GALNT17: variants seen among roughly 807,000 people sequenced by gnomAD.
GALNT17 encodes the protein polypeptide N-acetylgalactosaminyltransferase 17, also known as UDP-GalNAc:polypeptide N-acetylgalactosaminyltransferase-like 3.
Under a neutral mutation model 63.7 loss-of-function variants are expected in GALNT17, and 29 were observed. That is an observed-to-expected ratio of 0.46 (90% CI 0.34 to 0.62). GALNT17 has a LOEUF of 0.62. Among genes scored for constraint, GALNT17 ranks in the 20% least tolerant of loss-of-function variants. The pLI, the probability that GALNT17 is intolerant of heterozygous loss-of-function variation, is 0.01. For missense variants in GALNT17, 603 were observed against 799.6 expected, an observed-to-expected ratio of 0.75 and a Z score of 2.97; for synonymous variants, 305 against 318.3, an observed-to-expected ratio of 0.96 and a Z score of 0.45.
At chr7:71,188,306 C>A (rs1202664) in intron 1 of GALNT17, among the ~76,000 whole-genome samples, 1 of 152,044 alleles carries the variant, frequency 6.6e-6, no homozygotes, top group Admixed American at 6.6e-5. Context: ...ATCTCCACAC[C>A]GTTTTCCATG....
chr7:71,201,313 C>T (rs11977738), intron 1 of GALNT17, among the ~76,000 whole-genome samples: 47,779 of 147,338 alleles, frequency 0.32, 9,582 homozygotes, highest in African/African-American at 0.57. Flanking sequence ...ATTTTCCAGT[C>T]ATATTGGCTT....
intron 2 of GALNT17, 53 bp downstream of exon 2, chr7:71,335,786 T>G: frequency 7.1e-7 from 1 of 1,399,812 alleles, no homozygotes; most frequent in Non-Finnish European, 9.5e-7. Flanking sequence ...AGAGTGGGTG[T>G]AGACCCCTAC....
chr7:71,419,920 G>T (rs905356504), intron 4 of GALNT17, among the ~76,000 whole-genome samples: 4 of 152,236 alleles, frequency 2.6e-5, no homozygotes, highest in Non-Finnish European at 4.4e-5. Context: ...ATAGAAAGAT[G>T]AGATGAGCCA....
chr7:71,585,629 GT>G (rs202184176), intron 6 of GALNT17, among the ~76,000 whole-genome samples: 47 of 150,672 alleles, frequency 3.1e-4, no homozygotes, highest in Admixed American at 7.9e-4. Context: ...GGACTCAAGG[GT>G]TTTTTTTTAA....
chr7:71,255,092 C>T (rs1342207478), intron 1 of GALNT17, among the ~76,000 whole-genome samples: 2 of 152,198 alleles, frequency 1.3e-5, no homozygotes, highest in East Asian at 3.8e-4. Context: ...TCTATTTTCA[C>T]TCATCCATTC....
At chr7:71,267,825 A>G (rs1016561097) in intron 1 of GALNT17, among the ~76,000 whole-genome samples, 1 of 151,768 alleles carries the variant, frequency 6.6e-6, no homozygotes, top group East Asian at 1.9e-4. Flanking sequence ...TGCATTAGCT[A>G]TTTGTCCTAA....
intron 3 of GALNT17, among the ~76,000 whole-genome samples, chr7:71,405,593 G>T (rs1563068785): frequency 6.6e-6 from 1 of 152,152 alleles, no homozygotes; most frequent in Non-Finnish European, 1.5e-5. Context: ...GCCTTAGACT[G>T]GGTAATTTAT....
chr7:71,263,428 G>A (rs1349994850), intron 1 of GALNT17, among the ~76,000 whole-genome samples: 13 of 152,272 alleles, frequency 8.5e-5, no homozygotes, highest in African/African-American at 2.4e-4. Context: ...CCTCCAGAAC[G>A]ATGAGACAGT....
intron 6 of GALNT17, among the ~76,000 whole-genome samples, chr7:71,620,290 A>T (rs992142168): frequency 2.6e-5 from 4 of 152,180 alleles, no homozygotes; most frequent in African/African-American, 9.7e-5. Context: ...TATCAGGCTG[A>T]TGCTGGTTTC....
intron 1 of GALNT17, among the ~76,000 whole-genome samples, chr7:71,184,935 CCTCACTTCCTT>C (rs1788808215): frequency 9.9e-6 from 1 of 100,568 alleles, no homozygotes; most frequent in African/African-American, 4.4e-5. Context: ...TCCCTCCCTT[CCTCACTTCCTT>C]CCTTCCTTCC....
chr7:71,603,867 T>A (rs1790006144), intron 6 of GALNT17, among the ~76,000 whole-genome samples: 1 of 151,786 alleles, frequency 6.6e-6, no homozygotes, highest in Admixed American at 6.6e-5. Context: ...GGCACTGTGC[T>A]AAGTGCATAC....
intron 5 of GALNT17, among the ~76,000 whole-genome samples, chr7:71,545,785 T>C (rs1788973686): frequency 6.6e-6 from 1 of 152,234 alleles, no homozygotes; most frequent in African/African-American, 2.4e-5. Context: ...CTCATGTGTT[T>C]ATAATATCTA....
intron 1 of GALNT17, among the ~76,000 whole-genome samples, chr7:71,264,745 A>C (rs1395808004): frequency 1.3e-5 from 2 of 152,022 alleles, no homozygotes; most frequent in Non-Finnish European, 2.9e-5. Context: ...AACATATTGA[A>C]TGTTCTCACT....
intron 5 of GALNT17, among the ~76,000 whole-genome samples, chr7:71,557,821 C>T (rs928108911): frequency 2.0e-5 from 3 of 151,664 alleles, no homozygotes; most frequent in Non-Finnish European, 4.4e-5. Context: ...ATCTGTAATC[C>T]CAGCACTTTG....
At chr7:71,435,043 A>G (rs965288602) in intron 5 of GALNT17, among the ~76,000 whole-genome samples, 1 of 152,194 alleles carries the variant, frequency 6.6e-6, no homozygotes, top group African/African-American at 2.4e-5. Context: ...ACTCAGGAAT[A>G]TGGACAGATG....
chr7:71,445,018 T>A (rs982158541), intron 5 of GALNT17, among the ~76,000 whole-genome samples: 1 of 151,820 alleles, frequency 6.6e-6, no homozygotes, highest in Non-Finnish European at 1.5e-5. Flanking sequence ...CAGGAGGGTT[T>A]TATGGGGGAA....
chr7:71,564,769 T>A (rs768700702), intron 5 of GALNT17, among the ~76,000 whole-genome samples: 3 of 152,146 alleles, frequency 2.0e-5, no homozygotes, highest in Non-Finnish European at 4.4e-5. Flanking sequence ...TGACCTGCCC[T>A]GGCCTGGTTT....
intron 9 of GALNT17, among the ~76,000 whole-genome samples, chr7:71,703,545 A>G (rs1264071495): frequency 6.6e-6 from 1 of 152,224 alleles, no homozygotes; most frequent in Non-Finnish European, 1.5e-5. Flanking sequence ...CCCATCTCCA[A>G]CACCGTCAAT....
intron 2 of GALNT17, among the ~76,000 whole-genome samples, chr7:71,380,165 T>G (rs1792817953): frequency 6.6e-6 from 1 of 151,984 alleles, no homozygotes; most frequent in Non-Finnish European, 1.5e-5. Flanking sequence ...CACTGGAAAC[T>G]TTAACAAGAG....
Sources: allele counts gnomAD v4.1 joint callset (sites outside exome capture counted in the v4.1 genomes callset), GRCh38; gene constraint gnomAD v4.1.1; transcripts MANE v1.5; gene names NCBI Gene and HGNC (gene_info 2026-07-23, HGNC 2026-07-21).